The following SLC36A4 variants were observed in gnomAD, a reference collection of about 807,000 sequenced individuals.
SLC36A4 encodes solute carrier family 36 member 4, also known as neutral amino acid uniporter 4.
SLC36A4 carries 49 observed loss-of-function variants against 50.5 expected under a neutral mutation model. The observed-to-expected ratio is 0.97, with a 90% confidence interval of 0.77 to 1.23. The LOEUF (loss-of-function observed/expected upper bound fraction) is 1.23. SLC36A4 is among the 50% of genes most tolerant of loss of function. SLC36A4 has a pLI of 0.00. For synonymous variants in SLC36A4, 207 were observed against 206.5 expected (o/e 1.00, Z -0.02); for missense variants, 611 against 608.4 (o/e 1.00, Z -0.05).
At chr11:93,151,655 A>G (rs1017234632) in intron 10 of SLC36A4, among the ~76,000 whole-genome samples, 1 of 152,090 alleles carries the variant, frequency 6.6e-6, no homozygotes, top group Non-Finnish European at 1.5e-5. Context: ...ACAAACTACT[A>G]AAGATTTATA....
intron 9 of SLC36A4, chr11:93,160,347 G>A (rs1860565071): frequency 1.0e-6 from 1 of 985,234 alleles, no homozygotes; most frequent in African/African-American, 1.7e-5. Context: ...TTGTTTCTTA[G>A]GATACTTGTA....
intron 9 of SLC36A4, among the ~76,000 whole-genome samples, chr11:93,159,106 G>A (rs1478468807): frequency 2.6e-5 from 4 of 151,878 alleles, no homozygotes; most frequent in Non-Finnish European, 4.4e-5. Context: ...CATTCAACAT[G>A]AAAAATATTA....
At chr11:93,149,031 C>T (rs1859958769) in intron 10 of SLC36A4, among the ~76,000 whole-genome samples, 187 bp from the exon 11 acceptor site, 2 of 151,814 alleles carry the variant, frequency 1.3e-5, no homozygotes, top group South Asian at 4.1e-4. Context: ...ACAGAAAGAC[C>T]AAAATAGTGA....
At chr11:93,185,633 G>C in intron 2 of SLC36A4, 58 bp downstream of exon 2, 1 of 1,451,480 alleles carries the variant, frequency 6.9e-7, no homozygotes. Flanking sequence ...TGTAGAAGAA[G>C]ATTACAAAAT....
At chr11:93,156,564 C>T (rs554592842) in intron 9 of SLC36A4, among the ~76,000 whole-genome samples, 4 of 151,946 alleles carry the variant, frequency 2.6e-5, no homozygotes, top group African/African-American at 4.8e-5. Flanking sequence ...GGACTACAGG[C>T]GCCTGCCACC....
Position 93,168,073 on chromosome 11 carries a change from C to T in SLC36A4, c.639G>A (p.Met213Ile). Residue 213 changes from methionine to isoleucine, a missense_variant, in exon 7 of 11, where the codon ATG becomes ATA. Met to Ile is a conservative substitution (Grantham distance 10, BLOSUM62 1). Coordinates refer to ENST00000326402, the MANE Select transcript of SLC36A4 (RefSeq NM_152313.4). ...GAATTATAAATGGAAGAAAGCAAAG[C>T]ATATATATCCTTAGGTCAACACTTC... ...ERRSVDLRIY[M>I]LCFLPFIILL... The T allele has an allele frequency of 6.2e-7, 1 of 1,611,966 alleles. No homozygotes were observed. The highest frequency in any genetic ancestry group is 8.5e-7 in the Non-Finnish European group (1 of 1,178,550).
chr11:93,178,597 A>T (rs1861597633), intron 6 of SLC36A4, among the ~76,000 whole-genome samples: 1 of 152,260 alleles, frequency 6.6e-6, no homozygotes, highest in Middle Eastern at 3.4e-3. Flanking sequence ...TTGATTCTCC[A>T]CTTGGTCACT....
At chr11:93,164,334 A>C (rs1250021053) in intron 8 of SLC36A4, among the ~76,000 whole-genome samples, 1 of 152,210 alleles carries the variant, frequency 6.6e-6, no homozygotes, top group Non-Finnish European at 1.5e-5. Context: ...GAAAAGGCTG[A>C]CTGAAAAACC....
At chr11:93,151,245 T>C (rs1402557526) in intron 10 of SLC36A4, among the ~76,000 whole-genome samples, 1 of 151,996 alleles carries the variant, frequency 6.6e-6, no homozygotes, top group African/African-American at 2.4e-5. Flanking sequence ...GTTTTATTCA[T>C]TACAAATACT....
At chr11:93,184,954 T>C (rs989129852) in intron 2 of SLC36A4, among the ~76,000 whole-genome samples, 1 of 152,144 alleles carries the variant, frequency 6.6e-6, no homozygotes, top group Non-Finnish European at 1.5e-5. Flanking sequence ...TATGTAACCA[T>C]GATACTAAAC....
intron 1 of SLC36A4, among the ~76,000 whole-genome samples, chr11:93,187,962 C>T (rs1862060535): frequency 6.6e-6 from 1 of 152,184 alleles, no homozygotes; most frequent in Non-Finnish European, 1.5e-5. Context: ...CTAGACCTGA[C>T]CTCTGTTTAG....
intron 1 of SLC36A4, among the ~76,000 whole-genome samples, chr11:93,191,312 A>G (rs1412197291): frequency 6.6e-6 from 1 of 152,228 alleles, no homozygotes; most frequent in Admixed American, 6.5e-5. Context: ...GGCATTGGTC[A>G]CAAGGCTGAG....
At chr11:93,192,349 G>A (rs1482596355) in intron 1 of SLC36A4, among the ~76,000 whole-genome samples, 1 of 152,106 alleles carries the variant, frequency 6.6e-6, no homozygotes, top group Non-Finnish European at 1.5e-5. Flanking sequence ...AAGGAACAAG[G>A]AGGGCAGGGT....
At chr11:93,193,782 T>C (rs1293702595) in intron 1 of SLC36A4, among the ~76,000 whole-genome samples, 2 of 152,188 alleles carry the variant, frequency 1.3e-5, no homozygotes, top group African/African-American at 4.8e-5. Flanking sequence ...ATCACATTAA[T>C]TTAGCAATAT....
rs1369303472 is a variant in SLC36A4, at chr11:93,162,826, G to A, written c.917C>T (p.Ala306Val). ...AACAATCCCCATGCCAATATTCAAC[G>A]CTTGAGGGAAACGCTTTGATTCTTT... ...QMKESKRFPQ[A>V]LNIGMGIVTT... is the part of the protein sequence containing the mutation. The change falls in exon 9 of 11, where the codon GCG (alanine) becomes GTG (valine). Residue 306 changes from alanine (A) to valine (V), a missense_variant. Coordinates refer to ENST00000326402, the MANE Select transcript of SLC36A4 (RefSeq NM_152313.4). 9 of 1,613,656 alleles carry A rather than the reference G, an allele frequency of 5.6e-6. No homozygotes were observed. The highest frequency in any genetic ancestry group is 2.2e-5 in the East Asian group (1 of 44,804).
chr11:93,146,624 T>G lies in SLC36A4; in HGVS notation c.*1913A>C, dbSNP rs182611121. The G allele has an allele frequency of 6.6e-6, 1 of 152,204 alleles. No homozygotes were observed. The highest frequency in any genetic ancestry group is 1.9e-4 in the East Asian group (1 of 5,174). 9.4% of individuals were successfully genotyped at this position (152,204 alleles called of 1,614,324 possible). A position where few individuals can be genotyped will look rare whatever the true frequency, so the allele number is the denominator to read the frequency against. On this transcript the variant is annotated 3_prime_UTR_variant, in exon 11 of 11. Coordinates refer to ENST00000326402, the MANE Select transcript of SLC36A4 (RefSeq NM_152313.4). ...GTTAACGATACAAGCAAAAAATACT[T>G]GAACTAAGTTAACATTTACATATAA...
At chr11:93,182,655 A>G in intron 4 of SLC36A4, 151 bp downstream of exon 4, 1 of 471,218 alleles carries the variant, frequency 2.1e-6, no homozygotes, top group South Asian at 5.6e-5. Flanking sequence ...TTTAAATTAT[A>G]TGAAATGCTA....
At chr11:93,195,140 C>G (rs1018609387) in intron 1 of SLC36A4, among the ~76,000 whole-genome samples, 2 of 150,824 alleles carry the variant, frequency 1.3e-5, no homozygotes, top group African/African-American at 4.9e-5. Context: ...ACTTTATTAT[C>G]TAGTATTGAA....
chr11:93,169,268 A>G (rs1245225182), intron 6 of SLC36A4, among the ~76,000 whole-genome samples: 1 of 152,150 alleles, frequency 6.6e-6, no homozygotes, highest in Admixed American at 6.6e-5. Flanking sequence ...TTTATAGTTG[A>G]GGAACCTGAG....
Sources: gnomAD v4.1 joint callset for allele counts (sites outside exome capture counted in the v4.1 genomes callset) on GRCh38, gnomAD v4.1.1 for gene constraint, MANE v1.5 for transcripts, NCBI Gene and HGNC (gene_info 2026-07-23, HGNC 2026-07-21) for gene names.